Variants in SMIM41 observed in about 807,000 individuals in gnomAD.
The protein encoded by SMIM41 is small integral membrane protein 41.
rs116177264 is a variant in SMIM41, at chr12:52,090,572, C to T, written c.*195+6604C>T. ...GCTGCGGTGAGTGAGCAGGGAGTAC[C>T]GATGAGAACACAGAGAGGCTGCAGG... On this transcript the variant is annotated intron_variant, in intron 2 of 2. Transcript: ENST00000546390. 3.6e-3 allele frequency among the ~76,000 whole-genome samples: 545 copies of T among 152,180 alleles called. 2 individuals carry two copies. Among genetic ancestry groups the T allele is most frequent in the African/African-American group, 0.012 (516 of 41,504 alleles).
chr12:52,089,725 C>T (rs1939963051), intron 2 of SMIM41, among the ~76,000 whole-genome samples: 1 of 152,256 alleles, frequency 6.6e-6, no homozygotes. Context: ...CCTTGGCTTG[C>T]AGCTGCACAG....
chr12:52,084,575 A>G (rs1460808785), intron 2 of SMIM41, among the ~76,000 whole-genome samples: 1 of 152,184 alleles, frequency 6.6e-6, no homozygotes, highest in Non-Finnish European at 1.5e-5. Context: ...CAACTCACAG[A>G]GGAAGTGGCA....
chr12:52,087,124 A>G (rs994199038), intron 2 of SMIM41, among the ~76,000 whole-genome samples: 1 of 152,170 alleles, frequency 6.6e-6, no homozygotes, highest in African/African-American at 2.4e-5. Flanking sequence ...AACTCTGCTC[A>G]GGTGCCCTCT....
chr12:52,088,269 C>T (rs145663234), intron 2 of SMIM41, among the ~76,000 whole-genome samples: 13 of 152,280 alleles, frequency 8.5e-5, no homozygotes, highest in African/African-American at 1.9e-4. Context: ...GGGAGACTTT[C>T]GTGAAGGTGG....
intron 2 of SMIM41, among the ~76,000 whole-genome samples, chr12:52,097,168 T>A (rs1002188500): frequency 3.3e-5 from 5 of 152,068 alleles, no homozygotes; most frequent in Non-Finnish European, 7.4e-5. Flanking sequence ...ATATTGTTCC[T>A]AATATTCAGG....
chr12:52,080,013 G>C lies in SMIM41; in HGVS notation c.234G>C (p.Glu78Asp). ...CCCGCGAGCAGCGCGCGTCCCGCGA[G>C]CCCGAGCCGGGCAGTGCCAGCGGAG... ...LLTREQRASR[E>D]PEPGSASGED... Residue 78 changes from glutamate (E) to aspartate (D), a missense_variant, in exon 1 of 3, where the codon GAG (glutamate) becomes GAC (aspartate). Glu to Asp is a conservative substitution (Grantham distance 45). Coordinates refer to ENST00000546390, the MANE Select transcript of SMIM41 (RefSeq NM_001369216.1). 5.4e-6 allele frequency: 2 copies of C among 373,020 alleles called. No homozygotes were observed. Among genetic ancestry groups the C allele is most frequent in the South Asian group, 2.6e-4 (2 of 7,682 alleles). 23.1% of individuals were successfully genotyped at this position (373,020 alleles called of 1,614,324 possible). A position where few individuals can be genotyped will look rare whatever the true frequency, so the allele number is the denominator to read the frequency against.
chr12:52,097,882 A>G (rs1042405257), intron 2 of SMIM41, among the ~76,000 whole-genome samples: 2 of 151,994 alleles, frequency 1.3e-5, no homozygotes, highest in Non-Finnish European at 2.9e-5. Context: ...CCCGCTGGAT[A>G]TTAAAACCAA....
intron 2 of SMIM41, among the ~76,000 whole-genome samples, chr12:52,094,132 G>A (rs1416138874): frequency 3.5e-4 from 1 of 2,874 alleles, no homozygotes; most frequent in Non-Finnish European, 1.1e-3. Flanking sequence ...CTCCATCTCC[G>A]GAAAAAAAAA....
chr12:52,105,989 C>T (rs201395506), intron 2 of SMIM41, among the ~76,000 whole-genome samples: 7 of 151,782 alleles, frequency 4.6e-5, no homozygotes, highest in East Asian at 3.8e-4. Flanking sequence ...CGTGGGCTCC[C>T]GCTGCATGAT....
chr12:52,082,433 C>T (rs977312500), intron 1 of SMIM41, among the ~76,000 whole-genome samples: 2 of 152,018 alleles, frequency 1.3e-5, no homozygotes, highest in Admixed American at 1.3e-4. Context: ...GAGGGCAGGG[C>T]GTGGGGTGTG....
At chr12:52,099,356 C>A (rs552929585) in intron 2 of SMIM41, among the ~76,000 whole-genome samples, 2 of 151,890 alleles carry the variant, frequency 1.3e-5, no homozygotes, top group African/African-American at 4.8e-5. Context: ...ACATCCCCTG[C>A]GATATTGGGA....
chr12:52,106,571 T>C (rs1380761071), intron 2 of SMIM41, among the ~76,000 whole-genome samples: 1 of 152,216 alleles, frequency 6.6e-6, no homozygotes, highest in Non-Finnish European at 1.5e-5. Context: ...CTTGATCTCA[T>C]GACCTCGTGA....
In SMIM41 at chr12:52,079,844, C is replaced by A; in HGVS notation, c.65C>A (p.Ser22Ter). Residue 22 changes from serine (S) to a stop codon, truncating the protein, a stop_gained, in exon 1 of 3, where the codon TCG becomes TAG. Transcript: ENST00000546390. LOFTEE classifies it high-confidence loss of function. ...TGGCTGAGCTCCTGCTGTAACCAGTCGGCGTCGCCGCCGGAGCCCCCCGAG... is the reference window on the plus strand; with the variant it reads ...TGGCTGAGCTCCTGCTGTAACCAGTAGGCGTCGCCGCCGGAGCCCCCCGAG... ...AAWLSSCCNQ[S>*]ASPPEPPEGP... is the part of the protein sequence containing the mutation. The A allele has an allele frequency of 2.5e-6, 1 of 393,306 alleles. No homozygotes were observed. Among genetic ancestry groups the A allele is most frequent in the Non-Finnish European group, 4.5e-6 (1 of 222,526 alleles). The allele number at this position is 393,306 out of a possible 1,614,324, so 24.4% of individuals were successfully genotyped here.
chr12:52,106,911 A>G (rs970536890), intron 2 of SMIM41, among the ~76,000 whole-genome samples: 6 of 152,268 alleles, frequency 3.9e-5, no homozygotes, highest in Admixed American at 1.3e-4. Context: ...GGAAATTTGT[A>G]TCAATCTATT....
At chr12:52,105,173 T>C (rs1324135832) in intron 2 of SMIM41, among the ~76,000 whole-genome samples, 1 of 152,172 alleles carries the variant, frequency 6.6e-6, no homozygotes, top group East Asian at 1.9e-4. Context: ...CCCTTCCTTT[T>C]GGGGGTTCCT....
At chr12:52,092,428 G>A (rs1940022055) in intron 2 of SMIM41, 1 of 152,282 alleles carries the variant, frequency 6.6e-6, no homozygotes, top group Non-Finnish European at 1.5e-5. Context: ...AGCGCCAAGG[G>A]ACTTTTATGG....
rs1316366740 is a variant in SMIM41, at chr12:52,081,554, A to AG, written c.*120+1376dup. Reference sequence around the variant, plus strand: ...CACCCCCTAGGAGGGAGGGTTGTCCAGGGCCCTGAGGCGTGTGTGTAGTGT... The same window carrying AG: ...CACCCCCTAGGAGGGAGGGTTGTCCAGGGGCCCTGAGGCGTGTGTGTAGTGT... On this transcript the variant is annotated intron_variant, in intron 1 of 2. Coordinates refer to ENST00000546390, the MANE Select transcript of SMIM41 (RefSeq NM_001369216.1). This position sits in a 1 kb window ranked among gnomAD's most constrained non-coding sequence, Gnocchi z 4.1. Among the ~76,000 whole-genome samples the AG allele has an allele frequency of 6.6e-6, 1 of 152,016 alleles. No homozygotes were observed. Among genetic ancestry groups the AG allele is most frequent in the Non-Finnish European group, 1.5e-5 (1 of 67,946 alleles).
chr12:52,085,867 C>A (rs185839092), intron 2 of SMIM41, among the ~76,000 whole-genome samples: 2 of 152,234 alleles, frequency 1.3e-5, no homozygotes, highest in Admixed American at 1.3e-4. Context: ...AACTCATGTC[C>A]GCTGCTGATG....
intron 2 of SMIM41, among the ~76,000 whole-genome samples, chr12:52,100,433 G>T (rs1243610253): frequency 4.0e-5 from 6 of 151,696 alleles, no homozygotes; most frequent in African/African-American, 1.2e-4. Flanking sequence ...AACAACCCCT[G>T]CGAGAATGGG....
Sources: allele counts gnomAD v4.1 joint callset (sites outside exome capture counted in the v4.1 genomes callset), GRCh38; gene constraint gnomAD v4.1.1; non-coding constraint Gnocchi (gnomAD v3.1); transcripts MANE v1.5; gene names NCBI Gene and HGNC (gene_info 2026-07-23, HGNC 2026-07-21).